The following RORA variants were observed in gnomAD, a reference collection of about 807,000 sequenced individuals.
RORA encodes the protein RAR related orphan receptor A, also known as nuclear receptor ROR-alpha.
RORA carries 7 observed loss-of-function variants against 69.5 expected under a neutral mutation model. The ratio of observed to expected loss-of-function variants is 0.10; its 90% CI spans 0.06 to 0.19. The LOEUF (loss-of-function observed/expected upper bound fraction) is 0.19, where lower values mean the gene tolerates loss of function less well. Among genes scored for constraint, RORA ranks in the 10% least tolerant of loss-of-function variants. The pLI is 1.00. For synonymous variants in RORA, 261 were observed against 240.8 expected (o/e 1.08, Z -0.78); for missense variants, 457 against 663.0 (o/e 0.69, Z 3.41).
chr15:60,615,003 G>A lies in RORA; in HGVS notation c.196+63654C>T, dbSNP rs1297433972. The stretch of plus-strand genomic sequence containing the variant: ...GCTCAAGTTGAGACCAGAACAGCCT[G>A]CTCAGGGAGCTACAGGTTGAAGAGC... On this transcript the variant is annotated intron_variant, in intron 2 of 10. Transcript: ENST00000335670. The A allele has an allele frequency of 1.2e-6, 2 of 1,613,408 alleles. No individual in the cohort carries two copies. The highest frequency in any genetic ancestry group is 2.2e-5 in the East Asian group (1 of 44,864).
chr15:61,140,910 A>C (rs1474726500), intron 1 of RORA, among the ~76,000 whole-genome samples: 1 of 152,164 alleles, frequency 6.6e-6, no homozygotes, highest in African/African-American at 2.4e-5. Flanking sequence ...CAAACCAAAT[A>C]AATAAATGAA....
intron 1 of RORA, among the ~76,000 whole-genome samples, chr15:61,084,057 G>A (rs975896523): frequency 5.3e-5 from 8 of 152,142 alleles, no homozygotes; most frequent in African/African-American, 1.9e-4. Context: ...TCCCTTACAG[G>A]TAACGTGAAG....
intron 1 of RORA, among the ~76,000 whole-genome samples, chr15:61,209,378 G>A (rs1450696459): frequency 2.0e-5 from 3 of 152,090 alleles, no homozygotes; most frequent in African/African-American, 7.2e-5. Context: ...AGGAAGAGAG[G>A]TGACCATGCC....
At chr15:61,030,070 GT>G (rs1483720865) in intron 1 of RORA, among the ~76,000 whole-genome samples, 1 of 152,170 alleles carries the variant, frequency 6.6e-6, no homozygotes, top group East Asian at 1.9e-4. Flanking sequence ...CAAACCCAAA[GT>G]GATGGTCATT....
At chr15:60,516,473 C>A (rs1430363717) in intron 3 of RORA, among the ~76,000 whole-genome samples, 1 of 150,430 alleles carries the variant, frequency 6.6e-6, no homozygotes, top group Admixed American at 6.7e-5. Flanking sequence ...TAAGTAGAGT[C>A]ATTTCCATGA....
intron 1 of RORA, among the ~76,000 whole-genome samples, chr15:60,713,047 T>C (rs1015150463): frequency 1.3e-4 from 20 of 152,184 alleles, no homozygotes; most frequent in African/African-American, 4.8e-4. Flanking sequence ...ACTTTTCATT[T>C]CCTTTACTTT....
At chr15:60,666,165 AAT>A (rs1491441522) in intron 2 of RORA, among the ~76,000 whole-genome samples, 3 of 111,030 alleles carry the variant, frequency 2.7e-5, no homozygotes, top group Admixed American at 2.3e-4. Flanking sequence ...ATACAAAGAT[AAT>A]TTTTTTTTTT....
intron 1 of RORA, among the ~76,000 whole-genome samples, chr15:60,980,198 G>A (rs1186319465): frequency 6.6e-6 from 1 of 152,122 alleles, no homozygotes; most frequent in East Asian, 1.9e-4. Context: ...ACTTTCATAT[G>A]TTGAACAAAC....
intron 1 of RORA, among the ~76,000 whole-genome samples, chr15:60,744,597 G>A (rs2071622119): frequency 6.6e-6 from 1 of 152,172 alleles, no homozygotes; most frequent in African/African-American, 2.4e-5. Flanking sequence ...CAAGAATGGT[G>A]CTATGTGCCT....
At chr15:61,015,476 A>C (rs559205895) in intron 1 of RORA, among the ~76,000 whole-genome samples, 36 of 151,838 alleles carry the variant, frequency 2.4e-4, no homozygotes, top group East Asian at 1.6e-3. Flanking sequence ...GAAATACACA[A>C]AAAAAAATGT....
chr15:61,030,482 T>A (rs1257656494), intron 1 of RORA, among the ~76,000 whole-genome samples: 1 of 152,190 alleles, frequency 6.6e-6, no homozygotes, highest in African/African-American at 2.4e-5. Context: ...CCAGTGGGCA[T>A]GACCCATGTG....
chr15:60,554,666 G>C (rs2067310224), intron 2 of RORA, among the ~76,000 whole-genome samples: 1 of 152,160 alleles, frequency 6.6e-6, no homozygotes, highest in African/African-American at 2.4e-5. Context: ...TAGCTACTTT[G>C]GTGAGAAACA....
intron 1 of RORA, among the ~76,000 whole-genome samples, chr15:60,866,732 A>G (rs964452376): frequency 6.6e-6 from 1 of 152,236 alleles, no homozygotes; most frequent in Non-Finnish European, 1.5e-5. Context: ...CTGAAGACAT[A>G]GAGGTGCTGG....
intron 10 of RORA, among the ~76,000 whole-genome samples, chr15:60,499,422 T>C (rs2054034): frequency 0.95 from 145,354 of 152,260 alleles, 69,695 homozygotes; most frequent in Middle Eastern, 1. Context: ...CCTGTAGTCT[T>C]AGCTACTCAG....
At chr15:60,632,272 A>AT (rs1186828311) in intron 2 of RORA, among the ~76,000 whole-genome samples, 4 of 151,888 alleles carry the variant, frequency 2.6e-5, no homozygotes, top group Non-Finnish European at 5.9e-5. Flanking sequence ...CACCCAGGTA[A>AT]TTTTTTTCTA....
chr15:61,215,280 T>G (rs1344493332), intron 1 of RORA, among the ~76,000 whole-genome samples: 1 of 152,134 alleles, frequency 6.6e-6, no homozygotes, highest in Non-Finnish European at 1.5e-5. Context: ...CATGTGTGAC[T>G]TAAGGCATAG....
intron 1 of RORA, among the ~76,000 whole-genome samples, chr15:60,916,709 A>G (rs1042082520): frequency 1.3e-5 from 2 of 152,166 alleles, no homozygotes; most frequent in African/African-American, 4.8e-5. Flanking sequence ...GGCATCAGGC[A>G]TCAGTATTTT....
At chr15:61,158,193 T>C (rs1173577491) in intron 1 of RORA, among the ~76,000 whole-genome samples, 1 of 152,204 alleles carries the variant, frequency 6.6e-6, no homozygotes, top group East Asian at 1.9e-4. Context: ...TCCTGACAGA[T>C]GTGATCCCTG....
intron 1 of RORA, among the ~76,000 whole-genome samples, chr15:61,121,017 T>C (rs2079098511): frequency 6.6e-6 from 1 of 151,732 alleles, no homozygotes; most frequent in Admixed American, 6.6e-5. Context: ...CCGGCTAATT[T>C]TTTTGTATTT....
Sources: gnomAD v4.1 joint callset for allele counts (sites outside exome capture counted in the v4.1 genomes callset) on GRCh38, gnomAD v4.1.1 for gene constraint, MANE v1.5 for transcripts, NCBI Gene and HGNC (gene_info 2026-07-23, HGNC 2026-07-21) for gene names.